COL5A2: variants seen among roughly 807,000 people sequenced by gnomAD.
COL5A2 encodes collagen alpha-2(V) chain.
Under a neutral mutation model 208.2 loss-of-function variants are expected in COL5A2, and 23 were observed. The ratio of observed to expected loss-of-function variants is 0.11; its 90% CI spans 0.08 to 0.16. The LOEUF (loss-of-function observed/expected upper bound fraction) is 0.16. COL5A2 is among the 10% of genes least tolerant of loss of function. The pLI, the probability that COL5A2 is intolerant of heterozygous loss-of-function variation, is 1.00. For missense variants in COL5A2, 1,590 were observed against 1,956.4 expected (o/e 0.81, Z 3.53); for synonymous variants, 625 against 628.5 (o/e 0.99, Z 0.08).
rs773367888 is a variant in COL5A2 at position 189,066,445 on chromosome 2, C to T, written c.1508G>A (p.Arg503Lys). 1.9e-6 allele frequency: 3 copies of T among 1,614,172 alleles called. No homozygotes were observed. The South Asian group carries it at 3.3e-5, about 18-fold the overall frequency. ...TGTTCCTGGGTCACCTCTGGGACCTCTTTTGCCTTCTTCACCGGGTGGGCC... is the reference window on the plus strand; with the variant it reads ...TGTTCCTGGGTCACCTCTGGGACCTTTTTTGCCTTCTTCACCGGGTGGGCC... ...PIGPPGEEGK[R>K]GPRGDPGTVG... is the part of the protein sequence containing the mutation. Residue 503 changes from arginine to lysine, a missense_variant, in exon 23 of 54, where the codon AGA (arginine) becomes AAA (lysine). By Grantham distance (26) the Arg-to-Lys change is conservative. Coordinates refer to ENST00000374866, the MANE Select transcript of COL5A2 (RefSeq NM_000393.5).
chr2:189,160,936 T>C (rs60251658), intron 1 of COL5A2, among the ~76,000 whole-genome samples: 15,214 of 150,658 alleles, frequency 0.1, 1,372 homozygotes, highest in African/African-American at 0.24. Context: ...ATTCAAGTGA[T>C]TCTCCTGCCT....
chr2:189,385,620 AC>A, the COL5A2 span, among the ~76,000 whole-genome samples: 9 of 152,128 alleles, frequency 5.9e-5, no homozygotes, highest in South Asian at 6.2e-4. Context: ...TTAGAAAAAA[AC>A]ATCCAAAAAT....
rs558067782 is a variant in COL5A2 at position 189,083,211 on chromosome 2, A to G, written c.852+773T>C. Among the ~76,000 whole-genome samples the G allele has an allele frequency of 3.3e-5, 5 of 152,282 alleles. No individual in the cohort carries two copies. In the East Asian group the frequency reaches 5.8e-4, roughly 18 times the overall value. ...GTTTGAAGAGGACTTTTGCTTGCTT[A>G]TCATACTCTAATTTTCCCCATGGCC... On this transcript the variant is annotated intron_variant, in intron 12 of 53. Transcript: ENST00000374866.
At chr2:189,283,661 A>G in the COL5A2 span, among the ~76,000 whole-genome samples, 1 of 152,134 alleles carries the variant, frequency 6.6e-6, no homozygotes, top group Non-Finnish European at 1.5e-5. Context: ...AATTTGAATC[A>G]AGTATGAACT....
At chr2:189,365,059 G>C in the COL5A2 span, among the ~76,000 whole-genome samples, 1 of 152,146 alleles carries the variant, frequency 6.6e-6, no homozygotes, top group African/African-American at 2.4e-5. Context: ...AGGGATATAA[G>C]ATAGTATCAA....
At chr2:189,166,781 A>T (rs1688472991) in intron 1 of COL5A2, among the ~76,000 whole-genome samples, 1 of 152,204 alleles carries the variant, frequency 6.6e-6, no homozygotes, top group Non-Finnish European at 1.5e-5. Flanking sequence ...TGAGAAAAAG[A>T]TCTTAAAAGG....
intron 51 of COL5A2, among the ~76,000 whole-genome samples, chr2:189,037,615 C>A (rs183487887): frequency 9.7e-4 from 148 of 152,226 alleles, no homozygotes; most frequent in Non-Finnish European, 1.8e-3. Flanking sequence ...TTCTCTAGGT[C>A]ATATTGGATT....
chr2:189,287,997 G>A, the COL5A2 span, among the ~76,000 whole-genome samples: 1 of 151,880 alleles, frequency 6.6e-6, no homozygotes, highest in Non-Finnish European at 1.5e-5. Flanking sequence ...TTACATACAA[G>A]CAAAAAACAA....
At chr2:189,341,243 T>TC in the COL5A2 span, among the ~76,000 whole-genome samples, 26 of 152,036 alleles carry the variant, frequency 1.7e-4, 1 homozygote, top group South Asian at 5.4e-3. Flanking sequence ...ACATGTAGAG[T>TC]CACTAACATG....
intron 2 of COL5A2, among the ~76,000 whole-genome samples, chr2:189,107,581 T>C (rs1687176276): frequency 6.6e-6 from 1 of 151,574 alleles, no homozygotes; most frequent in Admixed American, 6.6e-5. Flanking sequence ...GTTTATTTTG[T>C]TGATTCTTTT....
the COL5A2 span, among the ~76,000 whole-genome samples, chr2:189,265,681 T>C: frequency 6.6e-6 from 1 of 152,222 alleles, no homozygotes; most frequent in African/African-American, 2.4e-5. Flanking sequence ...ATAAAATAAT[T>C]TCACCAAAGA....
chr2:189,190,932 C>T (rs975794590), intron 1 of COL5A2, among the ~76,000 whole-genome samples: 3 of 152,006 alleles, frequency 2.0e-5, no homozygotes, highest in South Asian at 2.1e-4. Context: ...TGGTAATAGA[C>T]GCAATCACTG....
the COL5A2 span, among the ~76,000 whole-genome samples, chr2:189,288,956 A>G: frequency 1.3e-5 from 2 of 152,238 alleles, no homozygotes; most frequent in African/African-American, 4.8e-5. Context: ...GACTAAAATC[A>G]TATGTTCATC....
the COL5A2 span, among the ~76,000 whole-genome samples, chr2:189,298,146 C>G: frequency 6.6e-6 from 1 of 152,112 alleles, no homozygotes; most frequent in East Asian, 1.9e-4. Flanking sequence ...TCTTCAAAGC[C>G]TAGCTCCTTT....
chr2:189,097,162 A>C (rs1387501779), intron 6 of COL5A2, 115 bp downstream of exon 6: 1 of 928,946 alleles, frequency 1.1e-6, no homozygotes, highest in South Asian at 1.4e-5. Context: ...TATTTTTGTA[A>C]AATTTAATGG....
At chr2:189,233,648 A>G in the COL5A2 span, among the ~76,000 whole-genome samples, 2 of 151,690 alleles carry the variant, frequency 1.3e-5, no homozygotes, top group African/African-American at 4.8e-5. Flanking sequence ...AAGTGTACAG[A>G]TGGTCCTGAC....
intron 1 of COL5A2, among the ~76,000 whole-genome samples, chr2:189,199,173 T>C (rs1466755383): frequency 6.6e-6 from 1 of 152,212 alleles, no homozygotes; most frequent in South Asian, 2.1e-4. Flanking sequence ...TTCCCATAAA[T>C]TGACTAATTG....
chr2:189,422,290 T>C, the COL5A2 span, among the ~76,000 whole-genome samples: 10 of 151,906 alleles, frequency 6.6e-5, no homozygotes, highest in East Asian at 1.9e-3. Flanking sequence ...TTCAAAGAAA[T>C]TAACAAAACA....
chr2:189,386,511 A>G, the COL5A2 span, among the ~76,000 whole-genome samples: 1 of 152,220 alleles, frequency 6.6e-6, no homozygotes. Flanking sequence ...GCTTGTGCAC[A>G]GCAAAAGAAA....
Sources: gnomAD v4.1 joint callset for allele counts (sites outside exome capture counted in the v4.1 genomes callset) on GRCh38, gnomAD v4.1.1 for gene constraint, MANE v1.5 for transcripts, NCBI Gene and HGNC (gene_info 2026-07-23, HGNC 2026-07-21) for gene names.